The following DBNDD2 variants were observed in gnomAD, a reference collection of about 807,000 sequenced individuals.
DBNDD2 encodes the protein dysbindin domain containing 2.
DBNDD2 carries 8 observed loss-of-function variants against 14.0 expected under a neutral mutation model. The observed-to-expected ratio is 0.57, with a 90% confidence interval of 0.33 to 1.03. The LOEUF (loss-of-function observed/expected upper bound fraction) is 1.03, where lower values mean the gene tolerates loss of function less well. Among genes scored for constraint, DBNDD2 ranks in the 50% least tolerant of loss-of-function variants. DBNDD2 has a pLI of 0.03. For synonymous variants in DBNDD2, 94 were observed against 85.3 expected (o/e 1.10, Z -0.56); for missense variants, 194 against 206.0 (o/e 0.94, Z 0.36).
At chr20:45,406,726 G>T, upstream of DBNDD2, 10 of 1,283,016 alleles carry the variant, frequency 7.8e-6, no homozygotes, top group Non-Finnish European at 9.8e-6. Flanking sequence ...GGGCGCCAGC[G>T]CTGCAGGTAG....
At chr20:45,408,104 CG>C, upstream of DBNDD2, 2 of 1,487,216 alleles carry the variant, frequency 1.3e-6, no homozygotes, top group Non-Finnish European at 1.8e-6. Context: ...AAGGGGAAAA[CG>C]TACCTCCTCC....
chr20:45,407,789 T>G (rs1600786384), upstream of DBNDD2: 3 of 1,029,106 alleles, frequency 2.9e-6, no homozygotes, highest in South Asian at 4.2e-5. Context: ...GGTAGGTTGG[T>G]TATGCCATTT....
upstream of DBNDD2, chr20:45,406,378 C>G: frequency 7.3e-7 from 1 of 1,374,196 alleles, no homozygotes; most frequent in South Asian, 1.4e-5. Context: ...TGCATCCGAG[C>G]GAGCGGAGAC....
At chr20:45,406,627 C>A, upstream of DBNDD2, 1 of 1,395,414 alleles carries the variant, frequency 7.2e-7, no homozygotes, top group Non-Finnish European at 9.3e-7. Flanking sequence ...CCCCCGGGAG[C>A]CCTGGAGGCG....
upstream of DBNDD2, chr20:45,406,243 A>G: frequency 3.8e-6 from 2 of 532,512 alleles, no homozygotes; most frequent in South Asian, 2.4e-5. Context: ...AGGGTGCCGG[A>G]GGCAGGGTTC....
At chr20:45,406,205 G>A, upstream of DBNDD2, 1 of 484,614 alleles carries the variant, frequency 2.1e-6, no homozygotes, top group Non-Finnish European at 3.6e-6. Context: ...GGAGAAGTGC[G>A]CGCGTGTAAG....
rs11541737 is a variant in DBNDD2, at chr20:45,408,574, C to G, written c.107C>G (p.Pro36Arg). Residue 36 changes from proline (P) to arginine (R), a missense_variant, in exon 1 of 3, where the codon CCT becomes CGT. Transcript: ENST00000372710. The stretch of plus-strand genomic sequence containing the variant: ...CAGCCAGAGACAGAGTTTGTCTTTC[C>G]TCTGTCCCATCTGCATCTCGAGTCG... Reference protein sequence around the residue: ...ILQPETEFVFPLSHLHLESQR... With the variant: ...ILQPETEFVFRLSHLHLESQR... 6.2e-7 allele frequency: 1 copy of G among 1,614,190 alleles called. No individual in the cohort carries two copies. The highest frequency in any genetic ancestry group is 1.1e-5 in the South Asian group (1 of 91,088).
At chr20:45,408,105 G>A (rs1350975495), upstream of DBNDD2, 11 of 1,488,086 alleles carry the variant, frequency 7.4e-6, no homozygotes, top group Non-Finnish European at 8.1e-6. Context: ...AGGGGAAAAC[G>A]TACCTCCTCC....
upstream of DBNDD2, chr20:45,406,421 A>G (rs1360254245): frequency 1.3e-6 from 2 of 1,512,308 alleles, no homozygotes; most frequent in South Asian, 2.4e-5. Flanking sequence ...AGGGTGGTGC[A>G]GAGGAGTCCG....
chr20:45,409,076 T>A, intron 2 of DBNDD2, 138 bp downstream of exon 2: 1 of 1,554,934 alleles, frequency 6.4e-7, no homozygotes, highest in Non-Finnish European at 8.8e-7. Flanking sequence ...ATGAAACAGC[T>A]GCCTGTTCTG....
At chr20:45,407,872 A>AC, upstream of DBNDD2, 1 of 1,171,578 alleles carries the variant, frequency 8.5e-7, no homozygotes, top group Non-Finnish European at 1.1e-6. Flanking sequence ...CAGGCCTGTG[A>AC]CTTCAGAGCA....
chr20:45,406,551 C>A, upstream of DBNDD2: 1 of 1,511,494 alleles, frequency 6.6e-7, no homozygotes, highest in Non-Finnish European at 8.9e-7. Flanking sequence ...AGTGAGCCCG[C>A]CACCGCCCCT....
chr20:45,409,598 T>C (rs1989722613), intron 2 of DBNDD2, among the ~76,000 whole-genome samples: 1 of 152,244 alleles, frequency 6.6e-6, no homozygotes, highest in South Asian at 2.1e-4. Context: ...CCTTTGGGGA[T>C]GTAGGTATCC....
At chr20:45,406,177 T>G (rs1989353039), upstream of DBNDD2, 1 of 437,106 alleles carries the variant, frequency 2.3e-6, no homozygotes. Context: ...ACTCTCTCTT[T>G]CCCATCGTGC....
intron 2 of DBNDD2, among the ~76,000 whole-genome samples, chr20:45,409,684 T>C (rs969055169): frequency 6.6e-6 from 1 of 152,136 alleles, no homozygotes; most frequent in East Asian, 1.9e-4. Flanking sequence ...CAGCAATAAG[T>C]GATGTAGGTG....
chr20:45,406,620 C>A (rs1053865785), upstream of DBNDD2: 288 of 1,406,898 alleles, frequency 2.0e-4, no homozygotes, highest in Non-Finnish European at 2.6e-4. Flanking sequence ...CGTCGGTCCC[C>A]CGGGAGCCCT....
chr20:45,406,740 C>A, upstream of DBNDD2: 2 of 1,269,668 alleles, frequency 1.6e-6, no homozygotes, highest in Non-Finnish European at 2.0e-6. Context: ...CAGGTAGGGG[C>A]TCCGGCGGCG....
chr20:45,407,925 T>C, upstream of DBNDD2: 1 of 1,347,988 alleles, frequency 7.4e-7, no homozygotes. Flanking sequence ...CGTGTTTGTG[T>C]GGGTGGAGAG....
At chr20:45,408,096 G>C, upstream of DBNDD2, 1 of 1,482,216 alleles carries the variant, frequency 6.7e-7, no homozygotes, top group African/African-American at 1.4e-5. Context: ...GGCCAATTAA[G>C]GGGAAAACGT....
Sources: gnomAD v4.1 joint callset for allele counts (sites outside exome capture counted in the v4.1 genomes callset) on GRCh38, gnomAD v4.1.1 for gene constraint, MANE v1.5 for transcripts, NCBI Gene and HGNC (gene_info 2026-07-23, HGNC 2026-07-21) for gene names.